ABCA9: variants seen among roughly 807,000 people sequenced by gnomAD.
ABCA9 encodes ATP-binding cassette sub-family A member 9.
A neutral mutation model predicts 205.3 loss-of-function variants in ABCA9; 183 were observed. That is an observed-to-expected ratio of 0.89 (90% CI 0.79 to 1.01). The LOEUF (loss-of-function observed/expected upper bound fraction) is 1.01. Ranked by LOEUF, ABCA9 falls within the 50% of genes least tolerant of loss-of-function variation. ABCA9 has a pLI of 0.00. For missense variants in ABCA9, 1,805 were observed against 1,912.4 expected (o/e 0.94, Z 1.05); for synonymous variants, 651 against 683.3 (o/e 0.95, Z 0.74).
chr17:69,021,223 G>T (rs890900728), intron 18 of ABCA9, among the ~76,000 whole-genome samples: 1 of 151,886 alleles, frequency 6.6e-6, no homozygotes, highest in Non-Finnish European at 1.5e-5. Flanking sequence ...CCAGAAAATT[G>T]CAAAAATGAA....
intron 37 of ABCA9, among the ~76,000 whole-genome samples, chr17:68,980,494 A>C (rs972127589): frequency 3.3e-5 from 5 of 152,076 alleles, no homozygotes; most frequent in African/African-American, 1.2e-4. Context: ...ACGTATGTTT[A>C]TTGCGGCACT....
rs147125306 is a variant in ABCA9, at chr17:68,974,540, T to C, written c.*1375A>G. ...TCAAAAACTAGAAGAATATAAGAAC[T>C]AAAATCAAAGCCAAGGTCTTTCACA... On this transcript the variant is annotated 3_prime_UTR_variant, in exon 39 of 39. Transcript: ENST00000340001. 1 of 152,306 alleles carries C rather than the reference T, an allele frequency of 6.6e-6. No individual in the cohort carries two copies. The highest frequency in any genetic ancestry group is 2.4e-5 in the African/African-American group (1 of 41,574). The allele number at this position is 152,306 out of a possible 1,614,324, so 9.4% of individuals were successfully genotyped here. A position where few individuals can be genotyped will look rare whatever the true frequency, so the allele number is the denominator to read the frequency against.
At chr17:69,004,316 T>G (rs2070021560) in intron 25 of ABCA9, among the ~76,000 whole-genome samples, 1 of 152,208 alleles carries the variant, frequency 6.6e-6, no homozygotes, top group Non-Finnish European at 1.5e-5. Flanking sequence ...GTCCTTTCTG[T>G]TTGTTAGTTT....
At position 69,018,565 on chromosome 17, in the gene ABCA9, C is replaced by G; in HGVS notation, c.2615G>C (p.Gly872Ala). The change falls in exon 20 of 39, where the codon GGT becomes GCT. Residue 872 changes from glycine (G) to alanine (A), a missense_variant. Gly to Ala is a moderately conservative substitution (Grantham distance 60, BLOSUM62 0). Coordinates refer to ENST00000340001, the MANE Select transcript of ABCA9 (RefSeq NM_080283.4). ...KSLWTILLLFGISFIPQLLEH... is the reference protein window; with the variant it reads ...KSLWTILLLFAISFIPQLLEH... Reference sequence around the variant, plus strand: ...CAAAAGTTGAGGGATAAAGCTAATACCAAAAAGCAATAATCTATGCAGAGG... The same window carrying G: ...CAAAAGTTGAGGGATAAAGCTAATAGCAAAAAGCAATAATCTATGCAGAGG... The G allele has an allele frequency of 6.3e-7, 1 of 1,587,828 alleles. No individual in the cohort carries two copies. Among genetic ancestry groups the G allele is most frequent in the Non-Finnish European group, 8.5e-7 (1 of 1,171,108 alleles).
At chr17:69,028,717 T>A (rs575597499) in intron 11 of ABCA9, 72 bp from the exon 12 acceptor site, 1 of 871,994 alleles carries the variant, frequency 1.1e-6, no homozygotes, top group African/African-American at 1.7e-5. Context: ...ACTGTTGTAA[T>A]TTTTTGCAGC....
the ABCA9 span, among the ~76,000 whole-genome samples, chr17:69,077,490 G>A: frequency 5.3e-5 from 8 of 152,332 alleles, 1 homozygote; most frequent in East Asian, 5.8e-4. Context: ...GTGCTGATCA[G>A]TGAAGTGTTC....
chr17:69,044,542 T>C lies in ABCA9; in HGVS notation c.528A>G (p.Lys176=). ...TGGCAGCTTGAAAAGCTACAAAGCCTTTCTCCCAGAACTCTGAACCTTCAC... is the reference window on the plus strand; with the variant it reads ...TGGCAGCTTGAAAAGCTACAAAGCCCTTCTCCCAGAACTCTGAACCTTCAC... ...MKCEGSEFWE[K]GFVAFQAAIN... Residue 176 remains lysine (K), a synonymous_variant, in exon 5 of 39, where the codon AAA becomes AAG. Coordinates refer to ENST00000340001, the MANE Select transcript of ABCA9 (RefSeq NM_080283.4). The C allele has an allele frequency of 6.2e-7, 1 of 1,613,258 alleles. No homozygotes were observed. The highest frequency in any genetic ancestry group is 8.5e-7 in the Non-Finnish European group (1 of 1,179,576).
the ABCA9 span, among the ~76,000 whole-genome samples, chr17:69,073,894 G>T: frequency 6.6e-6 from 1 of 152,154 alleles, no homozygotes; most frequent in South Asian, 2.1e-4. Flanking sequence ...TAGTGATAGG[G>T]TCTTGCTATG....
Position 69,007,840 on chromosome 17 carries a change from A to AAGAG in ABCA9, c.3350_3353dup (p.Val1119SerfsTer19). 6.2e-7 allele frequency: 1 copy of AAGAG among 1,610,364 alleles called. No individual in the cohort carries two copies. Among genetic ancestry groups the AAGAG allele is most frequent in the Non-Finnish European group, 8.5e-7 (1 of 1,177,112 alleles). ...ATGAAATCACATATGTCAAGAAAAC[A>AAGAG]AGAGATGAGACATAGCCAATACTAC... is the stretch of plus-strand genomic sequence containing the variant. On this transcript the variant is annotated frameshift_variant, in exon 25 of 39. Transcript: ENST00000340001. LOFTEE classifies it high-confidence loss of function.
At chr17:69,078,480 A>C in the ABCA9 span, among the ~76,000 whole-genome samples, 1 of 152,188 alleles carries the variant, frequency 6.6e-6, no homozygotes, top group African/African-American at 2.4e-5. Flanking sequence ...TACAGGCGTG[A>C]GCCACTGCAC....
intron 25 of ABCA9, among the ~76,000 whole-genome samples, chr17:68,997,927 G>C (rs1598348227): frequency 6.6e-6 from 1 of 152,066 alleles, no homozygotes; most frequent in South Asian, 2.1e-4. Context: ...AATCCTCAGT[G>C]ATCCACCTAT....
chr17:68,994,490 C>T lies in ABCA9; in HGVS notation c.3555+1405G>A, dbSNP rs369511230. Among the ~76,000 whole-genome samples the T allele has an allele frequency of 1.2e-3, 182 of 152,296 alleles. 6 individuals are homozygous for T. In the South Asian group the frequency reaches 0.034, roughly 29 times the overall value. ...GAGAAACTCTCTACTTTGCTGACTT[C>T]GCTGAAAAGTAGGGCAGAGGGTCTT... On this transcript the variant is annotated intron_variant, in intron 26 of 38. Coordinates refer to ENST00000340001, the MANE Select transcript of ABCA9 (RefSeq NM_080283.4).
chr17:69,045,369 A>G, intron 3 of ABCA9, 33 bp from the exon 4 acceptor site: 1 of 1,586,918 alleles, frequency 6.3e-7, no homozygotes, highest in African/African-American at 1.4e-5. Flanking sequence ...GAAATAGTTA[A>G]GCAAGAAAAT....
chr17:69,047,087 A>T (rs1010775329), intron 3 of ABCA9, among the ~76,000 whole-genome samples: 2 of 150,990 alleles, frequency 1.3e-5, no homozygotes, highest in Non-Finnish European at 1.5e-5. Flanking sequence ...TCAGACTCCC[A>T]AGTAGCTGAG....
At chr17:68,985,241 T>A in intron 32 of ABCA9, 113 bp from the exon 33 acceptor site, 1 of 1,406,576 alleles carries the variant, frequency 7.1e-7, no homozygotes, top group Non-Finnish European at 9.9e-7. Flanking sequence ...GTGGTCAGAG[T>A]GGTCATAAAA....
intron 26 of ABCA9, among the ~76,000 whole-genome samples, chr17:68,995,481 A>G (rs533860522): frequency 5.9e-5 from 9 of 152,208 alleles, no homozygotes; most frequent in African/African-American, 2.2e-4. Flanking sequence ...TTATAAACTG[A>G]TCAATCTCAA....
At chr17:69,074,709 T>G in the ABCA9 span, among the ~76,000 whole-genome samples, 2 of 152,212 alleles carry the variant, frequency 1.3e-5, no homozygotes, top group African/African-American at 2.4e-5. Flanking sequence ...ACTGCTGTGA[T>G]TAACATATGA....
At position 68,992,996 on chromosome 17, in the gene ABCA9, G is replaced by GA. The variant is rs752883559; in HGVS notation, c.3624+19dup. 3.5e-4 allele frequency: 544 copies of GA among 1,560,010 alleles called. No homozygotes were observed. The highest frequency in any genetic ancestry group is 3.9e-4 in the Non-Finnish European group (450 of 1,139,676). On this transcript the variant is annotated intron_variant, in intron 27 of 38. Transcript: ENST00000340001. ...TTGTGTTCCCTCATGCAAGAATGTT[G>GA]AAAAAAAAAGTCTTCTTACTATTAG...
At chr17:69,000,752 C>A (rs2069831854) in intron 25 of ABCA9, among the ~76,000 whole-genome samples, 1 of 151,482 alleles carries the variant, frequency 6.6e-6, no homozygotes, top group Non-Finnish European at 1.5e-5. Flanking sequence ...ATTCTTCCTA[C>A]CCATGAGCAT....
Sources: gnomAD v4.1 joint callset for allele counts (sites outside exome capture counted in the v4.1 genomes callset) on GRCh38, gnomAD v4.1.1 for gene constraint, MANE v1.5 for transcripts, NCBI Gene and HGNC (gene_info 2026-07-23, HGNC 2026-07-21) for gene names.